BICRAL: variants seen among roughly 807,000 people sequenced by gnomAD.
BICRAL encodes BRD4-interacting chromatin-remodeling complex-associated protein-like.
BICRAL carries 8 observed loss-of-function variants against 91.8 expected under a neutral mutation model. That is an observed-to-expected ratio of 0.09 (90% CI 0.05 to 0.16). The LOEUF is 0.16. BICRAL is among the 10% of genes least tolerant of loss of function. The probability of loss-of-function intolerance (pLI) is 1.00; values close to 1 mark genes in which losing one functional copy is unlikely to be tolerated. For missense variants in BICRAL, 1,038 were observed against 1,310.9 expected, an observed-to-expected ratio of 0.79 and a Z score of 3.21; for synonymous variants, 445 against 491.1, an observed-to-expected ratio of 0.91 and a Z score of 1.24.
At chr6:42,822,698 TAATA>T (rs1436080060) in intron 3 of BICRAL, 94 bp from the exon 4 acceptor site, 11 of 633,224 alleles carry the variant, frequency 1.7e-5, no homozygotes, top group South Asian at 1.0e-4. Flanking sequence ...TTTACTCAGG[TAATA>T]AATCATTTTC....
In BICRAL at chr6:42,829,829, T is replaced by G. The variant is rs1486068890; in HGVS notation, c.1496T>G (p.Met499Arg). 1 of 1,614,124 alleles carries G rather than the reference T, an allele frequency of 6.2e-7. No homozygotes were observed. Among genetic ancestry groups the G allele is most frequent in the African/African-American group, 1.3e-5 (1 of 74,958 alleles). ...TCTCCTCAGCTTGTGGGTGGACAGATGCCCTTGCAGCAGGCATCCCCAACT... is the reference window on the plus strand; with the variant it reads ...TCTCCTCAGCTTGTGGGTGGACAGAGGCCCTTGCAGCAGGCATCCCCAACT... ...HASPQLVGGQ[M>R]PLQQASPTVL... Residue 499 changes from methionine to arginine, a missense_variant, in exon 6 of 13, where the codon ATG becomes AGG. Around this residue, in one of 5 missense-constraint regions of BICRAL, gnomAD observed 532 missense variants for 724.9 expected, o/e 0.73. Transcript: ENST00000314073.
chr6:42,748,286 A>C (rs1762320696), intron 1 of BICRAL, among the ~76,000 whole-genome samples: 2 of 152,148 alleles, frequency 1.3e-5, no homozygotes, highest in Admixed American at 1.3e-4. Flanking sequence ...TTTTTCTAGA[A>C]AAAAACAACC....
At chr6:42,770,852 C>T (rs942171226) in intron 1 of BICRAL, among the ~76,000 whole-genome samples, 3 of 151,228 alleles carry the variant, frequency 2.0e-5, no homozygotes, top group Non-Finnish European at 3.0e-5. Context: ...CACCACGCCC[C>T]GCTAATTTTT....
intron 1 of BICRAL, among the ~76,000 whole-genome samples, chr6:42,772,341 G>C (rs1256085937): frequency 1.3e-5 from 2 of 152,166 alleles, no homozygotes; most frequent in African/African-American, 2.4e-5. Context: ...TTAGGCGACG[G>C]GAGAAGGCTT....
At chr6:42,780,369 T>G (rs1358294923), upstream of BICRAL, among the ~76,000 whole-genome samples, 4 of 152,122 alleles carry the variant, frequency 2.6e-5, no homozygotes, top group Non-Finnish European at 4.4e-5. Flanking sequence ...ATACAATAAT[T>G]TCACTTAAAT....
intron 1 of BICRAL, among the ~76,000 whole-genome samples, chr6:42,756,925 C>G (rs1240602712): frequency 2.0e-5 from 2 of 98,766 alleles, no homozygotes; most frequent in African/African-American, 3.8e-5. Flanking sequence ...CCTCTCCCCC[C>G]CCCCCACCCT....
At chr6:42,766,935 G>C (rs945977224) in intron 1 of BICRAL, among the ~76,000 whole-genome samples, 2 of 151,980 alleles carry the variant, frequency 1.3e-5, no homozygotes, top group African/African-American at 4.8e-5. Context: ...AGCTACTCGC[G>C]AGGCTGAGGC....
At position 42,806,668 on chromosome 6, in the gene BICRAL, A is replaced by C. The variant is rs181294190; in HGVS notation, c.-101-3638A>C. On this transcript the variant is annotated intron_variant, in intron 1 of 12. Transcript: ENST00000314073. ...GCTGGGACTACAGGCATGTGCCACC[A>C]TGCCCAGCTAATTTTTATATTTTTT... Among the ~76,000 whole-genome samples, 538 of 152,090 alleles carry C rather than the reference A, an allele frequency of 3.5e-3. 1 individual carries two copies. The highest frequency in any genetic ancestry group is 6.2e-3 in the Non-Finnish European group (424 of 68,000).
intron 1 of BICRAL, among the ~76,000 whole-genome samples, chr6:42,750,908 TAATACTTTAAG>T (rs1762369965): frequency 5.2e-5 from 3 of 57,528 alleles, no homozygotes; most frequent in Non-Finnish European, 3.1e-5. Context: ...TTTTTTTTTT[TAATACTTTAAG>T]TTCTGGGATG....
intron 6 of BICRAL, among the ~76,000 whole-genome samples, chr6:42,836,301 G>T (rs942613729): frequency 6.6e-6 from 1 of 151,962 alleles, no homozygotes; most frequent in Non-Finnish European, 1.5e-5. Flanking sequence ...AAGGGAGGGG[G>T]GAGAAAAATA....
intron 1 of BICRAL, among the ~76,000 whole-genome samples, chr6:42,748,104 CTTTTTTTTTTTT>C (rs35511368): frequency 8.0e-6 from 1 of 124,582 alleles, no homozygotes; most frequent in Admixed American, 8.3e-5. Context: ...GTGCCTGGCC[CTTTTTTTTTTTT>C]TTTTTTTTTC....
chr6:42,818,947 A>G (rs1764066134), intron 2 of BICRAL, among the ~76,000 whole-genome samples: 1 of 152,194 alleles, frequency 6.6e-6, no homozygotes, highest in African/African-American at 2.4e-5. Flanking sequence ...CAGGACAGTG[A>G]TTTCTGAACT....
At chr6:42,765,318 G>A (rs563429708) in intron 1 of BICRAL, among the ~76,000 whole-genome samples, 1 of 152,330 alleles carries the variant, frequency 6.6e-6, no homozygotes, top group Non-Finnish European at 1.5e-5. Context: ...ACAGGGCTAT[G>A]TTGCCAGGGA....
intron 6 of BICRAL, among the ~76,000 whole-genome samples, chr6:42,833,510 C>G (rs576819138): frequency 6.6e-6 from 1 of 151,778 alleles, no homozygotes. Flanking sequence ...TGCAGTGGTA[C>G]GATCTCGGCT....
chr6:42,811,399 G>T (rs2113917788), intron 2 of BICRAL, among the ~76,000 whole-genome samples: 2 of 152,240 alleles, frequency 1.3e-5, no homozygotes. Context: ...AAGGCGGGCA[G>T]ATCACGAGGT....
chr6:42,861,985 C>G (rs1039345365), intron 11 of BICRAL, among the ~76,000 whole-genome samples: 2 of 151,736 alleles, frequency 1.3e-5, no homozygotes, highest in Non-Finnish European at 2.9e-5. Context: ...GGCGACAGAG[C>G]GAGACTCTGT....
In BICRAL at chr6:42,769,267, C is replaced by T. The variant is rs1048093201; in HGVS notation, c.-260-12572C>T. On this transcript the variant is annotated intron_variant, in intron 1 of 14. Coordinates refer to the BICRAL transcript ENST00000614467. ...TCTGGCTACCAGCAGGATGCCTAAG[C>T]TATTAGCTATTGGCTGGAGACTTCA... Among the ~76,000 whole-genome samples the T allele has an allele frequency of 2.0e-5, 3 of 152,200 alleles. No individual in the cohort carries two copies. In the South Asian group the frequency reaches 6.2e-4, roughly 31 times the overall value.
chr6:42,772,846 T>A (rs1762756620), intron 1 of BICRAL, among the ~76,000 whole-genome samples: 2 of 152,080 alleles, frequency 1.3e-5, no homozygotes, highest in African/African-American at 4.8e-5. Flanking sequence ...CGAGGGAGAT[T>A]TTGGAAGTGA....
chr6:42,809,318 C>G (rs1006005495), intron 1 of BICRAL, among the ~76,000 whole-genome samples: 4 of 151,958 alleles, frequency 2.6e-5, no homozygotes, highest in African/African-American at 7.3e-5. Flanking sequence ...CACCTCATTC[C>G]TACCTCAAGT....
Sources: gnomAD v4.1 joint callset for allele counts (sites outside exome capture counted in the v4.1 genomes callset) on GRCh38, gnomAD v4.1.1 for gene constraint, gnomAD v4.1.1 regional missense constraint, MANE v1.5 for transcripts, NCBI Gene and HGNC (gene_info 2026-07-23, HGNC 2026-07-21) for gene names.